Variants in SCN11A observed in about 807,000 individuals in gnomAD.
SCN11A encodes sodium channel protein type 11 subunit alpha.
SCN11A carries 122 observed loss-of-function variants against 162.2 expected under a neutral mutation model. The observed-to-expected ratio is 0.75, with a 90% CI of 0.65 to 0.87. The LOEUF (loss-of-function observed/expected upper bound fraction) is 0.87. Ranked by LOEUF, SCN11A falls within the 40% of genes least tolerant of loss-of-function variation. The probability of loss-of-function intolerance (pLI) is 0.00; values close to 1 mark genes in which losing one functional copy is unlikely to be tolerated. For synonymous variants in SCN11A, 758 were observed against 751.5 expected (o/e 1.01, Z -0.14); for missense variants, 2,015 against 2,181.6 (o/e 0.92, Z 1.52).
intron 28 of SCN11A, among the ~76,000 whole-genome samples, chr3:38,851,041 T>A (rs2064770859): frequency 6.6e-6 from 1 of 152,212 alleles, no homozygotes; most frequent in Non-Finnish European, 1.5e-5. Flanking sequence ...ATAACTTTGA[T>A]GTGATTGATG....
chr3:38,955,689 G>T (rs76072424), intron 3 of SCN11A, among the ~76,000 whole-genome samples: 22,797 of 152,050 alleles, frequency 0.15, 1,828 homozygotes, highest in East Asian at 0.24. Context: ...TTAGCTAAGT[G>T]CAATTATTTT....
chr3:38,987,152 A>T (rs1250007481), intron 2 of SCN11A, among the ~76,000 whole-genome samples: 1 of 152,030 alleles, frequency 6.6e-6, no homozygotes, highest in African/African-American at 2.4e-5. Context: ...AGGATGGGAA[A>T]ATTAACATCA....
chr3:39,038,806 C>CTAAA (rs1455833674), intron 1 of SCN11A, among the ~76,000 whole-genome samples: 3 of 102,292 alleles, frequency 2.9e-5, no homozygotes, highest in Non-Finnish European at 5.2e-5. Context: ...AGTATAAAGG[C>CTAAA]TAAAGAAAAG....
intron 2 of SCN11A, among the ~76,000 whole-genome samples, chr3:39,020,406 G>A (rs760294793): frequency 6.6e-6 from 1 of 152,168 alleles, no homozygotes; most frequent in South Asian, 2.1e-4. Context: ...GCAATGTGCC[G>A]ACAGGACAGT....
intron 7 of SCN11A, among the ~76,000 whole-genome samples, chr3:38,934,529 G>A (rs2066297525): frequency 6.6e-6 from 1 of 152,220 alleles, no homozygotes; most frequent in Admixed American, 6.5e-5. Flanking sequence ...AAGGATGGAG[G>A]AAGATCTACC....
chr3:38,858,489 A>G (rs2064909119), intron 28 of SCN11A, among the ~76,000 whole-genome samples: 1 of 152,186 alleles, frequency 6.6e-6, no homozygotes, highest in African/African-American at 2.4e-5. Context: ...ATATATGTGT[A>G]CCTAACACTG....
intron 21 of SCN11A, among the ~76,000 whole-genome samples, chr3:38,883,784 A>G (rs12629109): frequency 0.14 from 21,487 of 152,264 alleles, 1,977 homozygotes; most frequent in East Asian, 0.25. Context: ...AATGAAGCCA[A>G]TCAAGATCAG....
At chr3:38,955,833 C>T (rs1008735071) in intron 3 of SCN11A, among the ~76,000 whole-genome samples, 5 of 152,222 alleles carry the variant, frequency 3.3e-5, no homozygotes, top group African/African-American at 1.2e-4. Context: ...GAATCCAAGA[C>T]ATTATGTCCT....
At chr3:38,941,955 C>G (rs906224590) in intron 7 of SCN11A, among the ~76,000 whole-genome samples, 1 of 152,012 alleles carries the variant, frequency 6.6e-6, no homozygotes, top group African/African-American at 2.4e-5. Context: ...ATGTTGTTTA[C>G]AAGATATACG....
At chr3:38,947,443 T>G (rs2066535028) in intron 5 of SCN11A, among the ~76,000 whole-genome samples, 2 of 152,190 alleles carry the variant, frequency 1.3e-5, no homozygotes, top group Non-Finnish European at 2.9e-5. Context: ...AGGGGCAAAT[T>G]TCCCTGTGGT....
chr3:39,020,633 G>A (rs767795030), intron 2 of SCN11A, among the ~76,000 whole-genome samples: 1 of 152,094 alleles, frequency 6.6e-6, no homozygotes, highest in South Asian at 2.1e-4. Flanking sequence ...ACTGAGCTTC[G>A]GTCACCCACA....
At chr3:38,917,356 C>T (rs984221781) in intron 11 of SCN11A, among the ~76,000 whole-genome samples, 8 of 152,230 alleles carry the variant, frequency 5.3e-5, no homozygotes, top group Admixed American at 1.3e-4. Flanking sequence ...CATAAAGACA[C>T]ATGCAAGTGA....
intron 2 of SCN11A, among the ~76,000 whole-genome samples, chr3:39,016,048 C>G: frequency 6.6e-6 from 1 of 152,140 alleles, no homozygotes; most frequent in Admixed American, 6.5e-5. Flanking sequence ...ATTTTTAAGG[C>G]GCTATCAGGA....
chr3:38,892,752 T>C (rs942879521), intron 19 of SCN11A, among the ~76,000 whole-genome samples: 3 of 152,040 alleles, frequency 2.0e-5, no homozygotes, highest in Non-Finnish European at 2.9e-5. Context: ...AATAGAGCTA[T>C]ATATGAGTAA....
intron 4 of SCN11A, among the ~76,000 whole-genome samples, chr3:38,951,939 A>C (rs2066625773): frequency 6.6e-6 from 1 of 152,158 alleles, no homozygotes; most frequent in Non-Finnish European, 1.5e-5. Flanking sequence ...TGGAGCCAGC[A>C]GTGGCAACCC....
At chr3:38,931,958 A>G (rs986552796) in intron 7 of SCN11A, among the ~76,000 whole-genome samples, 2 of 152,244 alleles carry the variant, frequency 1.3e-5, no homozygotes, top group African/African-American at 4.8e-5. Flanking sequence ...AAGGAAAAGT[A>G]CAGCTACAAG....
intron 7 of SCN11A, among the ~76,000 whole-genome samples, chr3:38,940,010 T>G (rs910293144): frequency 1.2e-4 from 18 of 150,330 alleles, no homozygotes; most frequent in African/African-American, 3.9e-4. Context: ...TAGCACACAA[T>G]TTTATATATA....
rs982245582 is a variant in SCN11A at position 39,039,503 on chromosome 3, G to T, written c.-403-7000C>A. Among the ~76,000 whole-genome samples the T allele has an allele frequency of 3.3e-5, 5 of 152,178 alleles. No individual in the cohort carries two copies. The East Asian group carries it at 9.7e-4, about 29-fold the overall frequency. ...TGGCCCTATGTCTCCAATATCCCTG[G>T]GGCCCTGCGGTCATTCCACCATGCC... On this transcript the variant is annotated intron_variant, in intron 1 of 29. Transcript: ENST00000302328.
intron 8 of SCN11A, among the ~76,000 whole-genome samples, chr3:38,926,333 A>C (rs1229359774): frequency 6.6e-6 from 1 of 152,178 alleles, no homozygotes; most frequent in Non-Finnish European, 1.5e-5. Flanking sequence ...GTAGCAGCCA[A>C]AGATTTTTTA....
Sources: gnomAD v4.1 joint callset for allele counts (sites outside exome capture counted in the v4.1 genomes callset) on GRCh38, gnomAD v4.1.1 for gene constraint, MANE v1.5 for transcripts, NCBI Gene and HGNC (gene_info 2026-07-23, HGNC 2026-07-21) for gene names.